Variants in NAV3 observed in about 807,000 individuals in gnomAD.
NAV3 encodes neuron navigator 3, also known as pore membrane and/or filament interacting like protein 1.
Under a neutral mutation model 244.7 loss-of-function variants are expected in NAV3, and 87 were observed. That is an observed-to-expected ratio of 0.36 (90% CI 0.30 to 0.42). The LOEUF is 0.42. Ranked by LOEUF, NAV3 falls within the 20% of genes least tolerant of loss-of-function variation. The probability of loss-of-function intolerance (pLI) is 1.00; values close to 1 mark genes in which losing one functional copy is unlikely to be tolerated. For synonymous variants in NAV3, 1,126 were observed against 1,042.2 expected, an observed-to-expected ratio of 1.08 and a Z score of -1.55; for missense variants, 2,663 against 2,893.3, an observed-to-expected ratio of 0.92 and a Z score of 1.83.
At chr12:77,662,745 G>A (rs1010953519) in intron 2 of NAV3, among the ~76,000 whole-genome samples, 1 of 152,080 alleles carries the variant, frequency 6.6e-6, no homozygotes, top group African/African-American at 2.4e-5. Context: ...GACTAAAATT[G>A]TAAATGTTTC....
At chr12:78,062,518 A>C (rs530440683) in intron 12 of NAV3, among the ~76,000 whole-genome samples, 1 of 152,274 alleles carries the variant, frequency 6.6e-6, no homozygotes, top group Non-Finnish European at 1.5e-5. Flanking sequence ...GAAGTCTTAA[A>C]GTTCAAAGTA....
intron 2 of NAV3, among the ~76,000 whole-genome samples, chr12:77,707,373 A>T (rs985637477): frequency 5.9e-5 from 9 of 152,004 alleles, no homozygotes; most frequent in African/African-American, 2.2e-4. Flanking sequence ...CCATGTCCCT[A>T]CAAAGGACAT....
At position 77,994,797 on chromosome 12, in the gene NAV3, A is replaced by G. The variant is rs2136400721; in HGVS notation, c.672-6A>G. On this transcript the variant is annotated splice_polypyrimidine_tract_variant and splice_region_variant and intron_variant, in intron 5 of 39. Coordinates refer to ENST00000397909, the MANE Select transcript of NAV3 (RefSeq NM_001024383.2). ...TAATTCAATTTCTCTGTTTCTCCTCATACAGTCTGGCAGCCAGATATGCAA... is the reference window on the plus strand; with the variant it reads ...TAATTCAATTTCTCTGTTTCTCCTCGTACAGTCTGGCAGCCAGATATGCAA... 3.7e-6 allele frequency: 6 copies of G among 1,607,100 alleles called. No homozygotes were observed. The African/African-American group carries it at 6.7e-5, about 18-fold the overall frequency.
chr12:77,931,485 A>G (rs1888785764), intron 1 of NAV3, among the ~76,000 whole-genome samples: 1 of 151,828 alleles, frequency 6.6e-6, no homozygotes, highest in Admixed American at 6.6e-5. Flanking sequence ...TTATCTGTCT[A>G]TTTTGGTATC....
chr12:77,658,103 G>T (rs1456207767), intron 2 of NAV3, among the ~76,000 whole-genome samples: 1 of 151,988 alleles, frequency 6.6e-6, no homozygotes, highest in African/African-American at 2.4e-5. Context: ...GGAAGTTCTG[G>T]CCAGGGCAAT....
chr12:77,601,741 A>C (rs1870441894), intron 2 of NAV3, among the ~76,000 whole-genome samples: 1 of 151,996 alleles, frequency 6.6e-6, no homozygotes, highest in Admixed American at 6.6e-5. Context: ...AGGCTCCTGA[A>C]GAATAGACTG....
At chr12:77,836,554 TAAAC>T (rs60487497) in intron 1 of NAV3, among the ~76,000 whole-genome samples, 19,362 of 152,064 alleles carry the variant, frequency 0.13, 3,061 homozygotes, top group African/African-American at 0.38. Flanking sequence ...TACAGAGAAA[TAAAC>T]AGAGAGAGTA....
intron 2 of NAV3, among the ~76,000 whole-genome samples, chr12:77,591,058 C>G (rs560382304): frequency 6.6e-5 from 10 of 152,244 alleles, no homozygotes; most frequent in African/African-American, 2.4e-4. Flanking sequence ...ATTAGTTTCC[C>G]TGAATGCTGC....
At chr12:77,937,458 C>T (rs192527633) in intron 1 of NAV3, among the ~76,000 whole-genome samples, 1 of 152,108 alleles carries the variant, frequency 6.6e-6, no homozygotes, top group Non-Finnish European at 1.5e-5. Flanking sequence ...TGAAAGTATT[C>T]TTATTTTCAC....
chr12:77,816,805 T>C (rs942812591), intron 2 of NAV3, among the ~76,000 whole-genome samples: 3 of 152,140 alleles, frequency 2.0e-5, no homozygotes, highest in Non-Finnish European at 2.9e-5. Flanking sequence ...TTGAAATAAA[T>C]AGTGTTGGTT....
intron 2 of NAV3, among the ~76,000 whole-genome samples, chr12:77,600,815 G>C (rs989686466): frequency 6.6e-6 from 1 of 151,908 alleles, no homozygotes; most frequent in African/African-American, 2.4e-5. Flanking sequence ...AGCAGACATT[G>C]GGCTCTGGCT....
intron 2 of NAV3, among the ~76,000 whole-genome samples, chr12:77,702,414 G>A (rs531306797): frequency 1.7e-4 from 26 of 151,792 alleles, no homozygotes; most frequent in Admixed American, 1.4e-3. Context: ...AATTTCTGCC[G>A]TTTTATTTGG....
intron 9 of NAV3, chr12:78,037,464 G>T (rs1880097149): frequency 3.3e-6 from 2 of 608,468 alleles, no homozygotes; most frequent in African/African-American, 1.8e-5. Flanking sequence ...ATTTGCATTT[G>T]CCAAATAGCT....
intron 20 of NAV3, among the ~76,000 whole-genome samples, chr12:78,143,624 C>CA (rs1565715557): frequency 3.2e-5 from 3 of 92,656 alleles, no homozygotes; most frequent in African/African-American, 4.2e-5. Context: ...AACACTGTCT[C>CA]AGAAAAAAAA....
In NAV3 at chr12:77,739,011, C is replaced by CAAAAA. The variant is rs1168641355; in HGVS notation, c.72+166768_72+166772dup. On this transcript the variant is annotated intron_variant, in intron 2 of 8. Transcript: ENST00000550042. ...TGGGCGACAGAGCGAGACTCCGTCT[C>CAAAAA]AAAAAAAAAAAAAAAAAAAAAAAAA... Among the ~76,000 whole-genome samples, 32 of 64,074 alleles carry CAAAAA rather than the reference C, an allele frequency of 5.0e-4. 2 individuals carry two copies. In the South Asian group the frequency reaches 1.0e-2, roughly 20 times the overall value. 42.0% of individuals were successfully genotyped at this position (64,074 alleles called of 152,430 possible). A position where few individuals can be genotyped will look rare whatever the true frequency, so the allele number is the denominator to read the frequency against.
intron 30 of NAV3, among the ~76,000 whole-genome samples, chr12:78,182,234 T>C (rs1175065525): frequency 1.3e-5 from 2 of 152,070 alleles, no homozygotes; most frequent in Non-Finnish European, 2.9e-5. Context: ...TTATCCACAC[T>C]CAACAAAATA....
intron 3 of NAV3, among the ~76,000 whole-genome samples, chr12:77,962,275 A>G (rs530305724): frequency 6.6e-6 from 1 of 152,034 alleles, no homozygotes; most frequent in Admixed American, 6.6e-5. Context: ...ATTACCAAAA[A>G]ATTTGAATTT....
At chr12:77,975,460 A>G (rs989358103) in intron 5 of NAV3, among the ~76,000 whole-genome samples, 6 of 152,226 alleles carry the variant, frequency 3.9e-5, no homozygotes, top group African/African-American at 1.4e-4. Flanking sequence ...AATAAATCAG[A>G]AAAAGGCAAA....
chr12:77,627,760 A>G (rs894947499), intron 2 of NAV3, among the ~76,000 whole-genome samples: 1 of 152,232 alleles, frequency 6.6e-6, no homozygotes, highest in African/African-American at 2.4e-5. Flanking sequence ...AACAATAGCC[A>G]AAATATGGAA....
Sources: allele counts gnomAD v4.1 joint callset (sites outside exome capture counted in the v4.1 genomes callset), GRCh38; gene constraint gnomAD v4.1.1; transcripts MANE v1.5; gene names NCBI Gene and HGNC (gene_info 2026-07-23, HGNC 2026-07-21).